Variants in PARD3B observed in about 807,000 individuals in gnomAD.
The protein encoded by PARD3B is par-3 family cell polarity regulator beta.
Under a neutral mutation model 130.2 loss-of-function variants are expected in PARD3B, and 103 were observed. The ratio of observed to expected loss-of-function variants is 0.79; its 90% CI spans 0.67 to 0.93. The LOEUF is 0.93. PARD3B is among the 40% of genes least tolerant of loss of function. The pLI, the probability that PARD3B is intolerant of heterozygous loss-of-function variation, is 0.00. For synonymous variants in PARD3B, 583 were observed against 553.2 expected (o/e 1.05, Z -0.76); for missense variants, 1,609 against 1,499.2 (o/e 1.07, Z -1.21).
intron 13 of PARD3B, among the ~76,000 whole-genome samples, chr2:205,177,065 A>G (rs1276224285): frequency 6.6e-6 from 1 of 152,084 alleles, no homozygotes; most frequent in East Asian, 1.9e-4. Context: ...TGTTCTTGTT[A>G]TTGTCTTGCT....
intron 3 of PARD3B, among the ~76,000 whole-genome samples, chr2:205,018,000 AG>A (rs1178782124): frequency 2.0e-5 from 3 of 152,192 alleles, no homozygotes; most frequent in Admixed American, 6.5e-5. Context: ...TTCATTCCTC[AG>A]GTATTCATTC....
chr2:205,402,615 G>T (rs181356291), intron 19 of PARD3B, among the ~76,000 whole-genome samples: 6 of 152,314 alleles, frequency 3.9e-5, no homozygotes, highest in Non-Finnish European at 7.3e-5. Flanking sequence ...CTTTAAGCAA[G>T]GGTTCATTTC....
chr2:205,293,781 C>T (rs964996911), intron 16 of PARD3B: 2 of 152,190 alleles, frequency 1.3e-5, no homozygotes, highest in Non-Finnish European at 2.9e-5. Flanking sequence ...TTCAGTCTCA[C>T]AGCACTGAAG....
chr2:205,487,307 T>G (rs2049482093), intron 20 of PARD3B, among the ~76,000 whole-genome samples: 1 of 152,222 alleles, frequency 6.6e-6, no homozygotes, highest in South Asian at 2.1e-4. Flanking sequence ...TCACTGTTAT[T>G]ATTTTCCCAA....
chr2:204,972,607 A>T (rs1575451288), intron 3 of PARD3B, among the ~76,000 whole-genome samples: 1 of 152,336 alleles, frequency 6.6e-6, no homozygotes, highest in South Asian at 2.1e-4. Context: ...AATTATTAAA[A>T]GGAATTTACA....
At chr2:205,083,512 C>G (rs530566088) in intron 4 of PARD3B, among the ~76,000 whole-genome samples, 1 of 151,688 alleles carries the variant, frequency 6.6e-6, no homozygotes, top group African/African-American at 2.4e-5. Flanking sequence ...CTGACCATAC[C>G]CTCTCTTTGA....
At chr2:205,474,120 T>A (rs373401809) in intron 20 of PARD3B, among the ~76,000 whole-genome samples, 2 of 152,160 alleles carry the variant, frequency 1.3e-5, no homozygotes, top group African/African-American at 4.8e-5. Context: ...CAAGTTTCTG[T>A]CCCACTGTGG....
intron 16 of PARD3B, among the ~76,000 whole-genome samples, chr2:205,262,372 C>A (rs1238939575): frequency 6.6e-6 from 1 of 151,946 alleles, no homozygotes; most frequent in Non-Finnish European, 1.5e-5. Flanking sequence ...TTTCTCTGTG[C>A]TTTTTTCTCC....
chr2:204,920,706 C>T (rs975402385), intron 2 of PARD3B, among the ~76,000 whole-genome samples: 3 of 152,068 alleles, frequency 2.0e-5, no homozygotes, highest in Non-Finnish European at 4.4e-5. Flanking sequence ...TAACTGGGAG[C>T]TGTGTGTGGA....
At chr2:205,037,728 C>T (rs1015051888) in intron 3 of PARD3B, among the ~76,000 whole-genome samples, 1 of 151,120 alleles carries the variant, frequency 6.6e-6, no homozygotes, top group Non-Finnish European at 1.5e-5. Flanking sequence ...AACTGGAATT[C>T]CAAAAATACT....
chr2:205,090,078 G>A (rs1183281594), intron 4 of PARD3B, among the ~76,000 whole-genome samples: 4 of 152,172 alleles, frequency 2.6e-5, no homozygotes, highest in Non-Finnish European at 5.9e-5. Flanking sequence ...AAGAAGAGAA[G>A]AGCAAGGTTT....
At chr2:204,787,491 C>G (rs2042052860) in intron 2 of PARD3B, among the ~76,000 whole-genome samples, 1 of 152,156 alleles carries the variant, frequency 6.6e-6, no homozygotes, top group African/African-American at 2.4e-5. Flanking sequence ...CAGTCTATAA[C>G]TCAGAGTTTT....
intron 10 of PARD3B, among the ~76,000 whole-genome samples, chr2:205,140,300 T>C (rs1193102874): frequency 6.6e-6 from 1 of 152,120 alleles, no homozygotes; most frequent in East Asian, 1.9e-4. Flanking sequence ...GAGATGTGCA[T>C]TAGATTATCA....
chr2:205,034,193 G>A (rs565765186), intron 3 of PARD3B, among the ~76,000 whole-genome samples: 8 of 152,136 alleles, frequency 5.3e-5, no homozygotes, highest in South Asian at 2.1e-4. Context: ...CTGTCTTTGC[G>A]CCTGTAGCTT....
At chr2:204,722,957 C>G (rs1379210304) in intron 2 of PARD3B, among the ~76,000 whole-genome samples, 1 of 152,080 alleles carries the variant, frequency 6.6e-6, no homozygotes, top group African/African-American at 2.4e-5. Context: ...GGTATTGTTT[C>G]ATCAAAATTT....
Position 205,176,513 on chromosome 2 carries a change from T to G in PARD3B, c.1860T>G (p.Ser620=). The part of the protein sequence containing the change: ...FENCQNAVTT[S]RRNDNSILHP... ...ACTGTCAAAATGCTGTAACCACCTC[T>G]AGGCGAAATGATAATAGTATCCTGC... Residue 620 remains serine (S), a synonymous_variant, in exon 13 of 23, where the codon TCT becomes TCG. Transcript: ENST00000406610. This position sits in a 1 kb window ranked among gnomAD's most constrained non-coding sequence, Gnocchi z 5.3. The G allele has an allele frequency of 6.2e-7, 1 of 1,612,916 alleles. No homozygotes were observed. Among genetic ancestry groups the G allele is most frequent in the Non-Finnish European group, 8.5e-7 (1 of 1,179,110 alleles).
chr2:204,842,467 T>C (rs2044291768), intron 2 of PARD3B, among the ~76,000 whole-genome samples: 1 of 152,170 alleles, frequency 6.6e-6, no homozygotes, highest in Admixed American at 6.5e-5. Context: ...GAGCAATATA[T>C]TGACAACATC....
At chr2:205,384,700 G>A (rs1018416958) in intron 18 of PARD3B, among the ~76,000 whole-genome samples, 3 of 152,088 alleles carry the variant, frequency 2.0e-5, no homozygotes, top group Non-Finnish European at 4.4e-5. Context: ...AACATACATG[G>A]ATAGGTATAC....
intron 19 of PARD3B, among the ~76,000 whole-genome samples, chr2:205,410,968 A>T (rs2046576916): frequency 1.3e-5 from 2 of 152,122 alleles, no homozygotes; most frequent in Non-Finnish European, 2.9e-5. Context: ...TACAAACTCC[A>T]AACTTTGAAT....
Sources: gnomAD v4.1 joint callset for allele counts (sites outside exome capture counted in the v4.1 genomes callset) on GRCh38, gnomAD v4.1.1 for gene constraint, Gnocchi (gnomAD v3.1) non-coding constraint, MANE v1.5 for transcripts, NCBI Gene and HGNC (gene_info 2026-07-23, HGNC 2026-07-21) for gene names.